Variants in AIG1 observed in about 807,000 individuals in gnomAD.
The protein encoded by AIG1 is androgen-induced gene 1 protein.
A neutral mutation model predicts 31.4 loss-of-function variants in AIG1; 23 were observed. That is an observed-to-expected ratio of 0.73 (90% CI 0.53 to 1.04). The LOEUF (loss-of-function observed/expected upper bound fraction) is 1.04, where lower values mean the gene tolerates loss of function less well. Ranked by LOEUF, AIG1 falls within the 50% of genes least tolerant of loss-of-function variation. The pLI is 0.00. For missense variants in AIG1, 274 were observed against 295.0 expected (o/e 0.93, Z 0.52); for synonymous variants, 100 against 110.5 (o/e 0.90, Z 0.60).
At chr6:143,174,132 T>A (rs183204642) in intron 3 of AIG1, among the ~76,000 whole-genome samples, 165 of 152,294 alleles carry the variant, frequency 1.1e-3, no homozygotes, top group Admixed American at 2.0e-3. Flanking sequence ...CTTTTATCGT[T>A]ATATAATTTC....
intron 1 of AIG1, among the ~76,000 whole-genome samples, chr6:143,061,976 A>G (rs1321191136): frequency 2.6e-5 from 4 of 152,200 alleles, no homozygotes; most frequent in Admixed American, 2.6e-4. Flanking sequence ...AAACAAAAGC[A>G]ATGAAGTTCT....
chr6:143,213,275 A>G (rs1311778244), intron 3 of AIG1, among the ~76,000 whole-genome samples: 1 of 152,210 alleles, frequency 6.6e-6, no homozygotes. Context: ...TCACTGTGCC[A>G]GATGCTGGAT....
At chr6:143,078,243 CAATT>C (rs1777907727) in intron 1 of AIG1, among the ~76,000 whole-genome samples, 1 of 152,136 alleles carries the variant, frequency 6.6e-6, no homozygotes, top group Non-Finnish European at 1.5e-5. Flanking sequence ...TGTTTCTCAG[CAATT>C]AATTTCTATC....
chr6:143,310,411 A>C (rs1410756424), intron 4 of AIG1, among the ~76,000 whole-genome samples: 2 of 151,952 alleles, frequency 1.3e-5, no homozygotes, highest in African/African-American at 2.4e-5. Flanking sequence ...TCAAATAAGA[A>C]GTGGCAAGAG....
At chr6:143,180,388 G>A (rs1471060189) in intron 3 of AIG1, among the ~76,000 whole-genome samples, 1 of 152,164 alleles carries the variant, frequency 6.6e-6, no homozygotes, top group Non-Finnish European at 1.5e-5. Flanking sequence ...TCCCCAAAGG[G>A]CCATTTTCAG....
intron 1 of AIG1, among the ~76,000 whole-genome samples, chr6:143,123,829 C>A: frequency 6.6e-6 from 1 of 152,134 alleles, no homozygotes; most frequent in East Asian, 1.9e-4. Flanking sequence ...CCTTCTTTAT[C>A]TAACATAAGC....
At chr6:143,083,572 A>G (rs1444799100) in intron 1 of AIG1, among the ~76,000 whole-genome samples, 1 of 152,164 alleles carries the variant, frequency 6.6e-6, no homozygotes, top group Non-Finnish European at 1.5e-5. Context: ...CCTCATTGAT[A>G]ATCCTGAGAT....
intron 3 of AIG1, chr6:143,190,311 C>CCG: frequency 1.0e-6 from 1 of 985,422 alleles, no homozygotes; most frequent in Non-Finnish European, 1.2e-6. Context: ...AAGACAAGGC[C>CCG]CAGGCCCAGT....
At chr6:143,187,415 G>T (rs1220913998) in intron 3 of AIG1, 5 of 1,534,926 alleles carry the variant, frequency 3.3e-6, no homozygotes, top group African/African-American at 1.4e-5. Flanking sequence ...CACCACTTTG[G>T]GCTTTTACAC....
chr6:143,286,143 A>G lies in AIG1; in HGVS notation c.515+1918A>G, dbSNP rs1797667500. 2.0e-5 allele frequency among the ~76,000 whole-genome samples: 3 copies of G among 151,850 alleles called. No individual in the cohort carries two copies. The South Asian group carries it at 6.2e-4, about 31-fold the overall frequency. ...AAATTCATTTATATGCTATTAAATT[A>G]TCTGCATCTTGTAGAGCCCCAGAGA... On this transcript the variant is annotated intron_variant, in intron 4 of 5. Transcript: ENST00000357847.
rs903400119 is a variant in AIG1 at position 143,334,175 on chromosome 6, C to T, written c.679+730C>T. ...CATAAAAATTGAAAGGTGGAAAAAG[C>T]GCCAGCACAGACATGTAGTGATTGA... On this transcript the variant is annotated intron_variant, in intron 5 of 5. Coordinates refer to ENST00000357847, the MANE Select transcript of AIG1 (RefSeq NM_016108.4). The surrounding 1 kb of genome is among the most constrained non-coding windows in gnomAD (Gnocchi z 5.1). 74 of 1,417,904 alleles carry T rather than the reference C, an allele frequency of 5.2e-5. 2 individuals carry two copies. The South Asian group carries it at 7.3e-4, about 14-fold the overall frequency. 87.8% of individuals were successfully genotyped at this position (1,417,904 alleles called of 1,614,324 possible). A position where few individuals can be genotyped will look rare whatever the true frequency, so the allele number is the denominator to read the frequency against.
chr6:143,285,272 C>A (rs1210867964), intron 4 of AIG1, among the ~76,000 whole-genome samples: 2 of 151,452 alleles, frequency 1.3e-5, no homozygotes, highest in African/African-American at 4.8e-5. Context: ...GAAGTCACAC[C>A]CTGTGGCTGG....
chr6:143,282,114 A>G (rs992769396), intron 3 of AIG1, among the ~76,000 whole-genome samples: 1 of 152,204 alleles, frequency 6.6e-6, no homozygotes, highest in Admixed American at 6.5e-5. Context: ...CTGAATAAGC[A>G]TATTCTGATT....
intron 3 of AIG1, among the ~76,000 whole-genome samples, chr6:143,181,205 T>C (rs1788684594): frequency 6.6e-6 from 1 of 152,198 alleles, no homozygotes; most frequent in South Asian, 2.1e-4. Flanking sequence ...ACACGTATTC[T>C]AAAGTAACTA....
intron 3 of AIG1, chr6:143,188,175 ATC>A: frequency 1.0e-6 from 1 of 999,538 alleles, no homozygotes; most frequent in Non-Finnish European, 1.2e-6. Flanking sequence ...AGGAAGAGGT[ATC>A]TCTCTTTACT....
At chr6:143,092,355 G>A (rs1044906561) in intron 1 of AIG1, among the ~76,000 whole-genome samples, 3 of 150,900 alleles carry the variant, frequency 2.0e-5, no homozygotes, top group South Asian at 2.1e-4. Context: ...CTGGGCTCAG[G>A]CAGTCCTCCT....
intron 1 of AIG1, among the ~76,000 whole-genome samples, chr6:143,125,807 C>T (rs902610748): frequency 6.6e-6 from 1 of 152,134 alleles, no homozygotes; most frequent in Non-Finnish European, 1.5e-5. Context: ...GCTTTCATTC[C>T]CAAAGCTGCT....
In AIG1 at chr6:143,335,020, TTGAC is replaced by T. The variant is rs1344692912; in HGVS notation, c.679+1577_679+1580del. ...TGCCATTCTTTTAAGTAACATAAGA[TTGAC>T]TAACTTTTTTTAAAAATTCATTTTA... On this transcript the variant is annotated intron_variant, in intron 5 of 5. Coordinates refer to ENST00000357847, the MANE Select transcript of AIG1 (RefSeq NM_016108.4). The T allele has an allele frequency of 8.6e-6, 11 of 1,280,716 alleles. 1 individual carries two copies. The East Asian group carries it at 3.1e-4, about 36-fold the overall frequency. The allele number at this position is 1,280,716 out of a possible 1,614,324, so 79.3% of individuals were successfully genotyped here. A position where few individuals can be genotyped will look rare whatever the true frequency, so the allele number is the denominator to read the frequency against.
intron 3 of AIG1, among the ~76,000 whole-genome samples, chr6:143,197,326 C>T (rs191469979): frequency 6.6e-6 from 1 of 152,148 alleles, no homozygotes; most frequent in East Asian, 1.9e-4. Flanking sequence ...TTTTTCTGAT[C>T]AATTCTTTTT....
Sources: allele counts gnomAD v4.1 joint callset (sites outside exome capture counted in the v4.1 genomes callset), GRCh38; gene constraint gnomAD v4.1.1; non-coding constraint Gnocchi (gnomAD v3.1); transcripts MANE v1.5; gene names NCBI Gene and HGNC (gene_info 2026-07-23, HGNC 2026-07-21).